Variants in SENP6 observed in about 807,000 individuals in gnomAD.
SENP6 encodes sentrin-specific protease 6.
Under a neutral mutation model 134.5 loss-of-function variants are expected in SENP6, and 41 were observed. The ratio of observed to expected loss-of-function variants is 0.30; its 90% CI spans 0.24 to 0.40. The LOEUF is 0.40. Among genes scored for constraint, SENP6 ranks in the 10% least tolerant of loss-of-function variants. The pLI is 1.00. For synonymous variants in SENP6, 395 were observed against 429.8 expected (o/e 0.92, Z 1.00); for missense variants, 1,248 against 1,312.5 (o/e 0.95, Z 0.76).
At chr6:75,632,550 A>G (rs1435255993) in intron 3 of SENP6, among the ~76,000 whole-genome samples, 1 of 152,194 alleles carries the variant, frequency 6.6e-6, no homozygotes, top group Non-Finnish European at 1.5e-5. Context: ...TTCTTTGCAA[A>G]TAATGTTTAT....
intron 16 of SENP6, among the ~76,000 whole-genome samples, chr6:75,683,365 T>C (rs1773596829): frequency 6.6e-6 from 1 of 151,860 alleles, no homozygotes; most frequent in African/African-American, 2.4e-5. Context: ...CCTGTGATGA[T>C]AGTTTCTTTT....
chr6:75,634,843 T>C, intron 5 of SENP6, 32 bp downstream of exon 5: 1 of 1,376,088 alleles, frequency 7.3e-7, no homozygotes, highest in Non-Finnish European at 1.0e-6. Context: ...GGTTAGTATA[T>C]ACATGGCATC....
At chr6:75,650,088 G>T (rs1236268931) in intron 7 of SENP6, among the ~76,000 whole-genome samples, 10 of 152,112 alleles carry the variant, frequency 6.6e-5, no homozygotes, top group Admixed American at 6.5e-4. Flanking sequence ...TTTCCTTAAC[G>T]ATTTTGAAGA....
intron 7 of SENP6, among the ~76,000 whole-genome samples, chr6:75,657,496 A>G (rs1364281029): frequency 1.3e-5 from 2 of 152,194 alleles, no homozygotes; most frequent in Non-Finnish European, 2.9e-5. Context: ...TCTCTGTGTC[A>G]CAAAGGTAAT....
intron 9 of SENP6, among the ~76,000 whole-genome samples, chr6:75,666,388 A>G (rs1219397875): frequency 1.3e-5 from 2 of 150,346 alleles, no homozygotes; most frequent in East Asian, 3.9e-4. Flanking sequence ...TGGGACTCTG[A>G]AATAGACCTA....
intron 1 of SENP6, among the ~76,000 whole-genome samples, chr6:75,605,521 T>C (rs149774336): frequency 1.4e-3 from 210 of 152,314 alleles, no homozygotes; most frequent in Non-Finnish European, 2.1e-3. Flanking sequence ...CCATTTTACA[T>C]AGCATTGAAG....
At chr6:75,695,968 A>G (rs1208577256) in intron 17 of SENP6, 45 bp downstream of exon 17, 1 of 1,502,458 alleles carries the variant, frequency 6.7e-7, no homozygotes, top group East Asian at 2.4e-5. Context: ...AGTCACTCAC[A>G]TTTAACTAAG....
At chr6:75,627,289 T>C (rs1018964744) in intron 3 of SENP6, among the ~76,000 whole-genome samples, 2 of 152,194 alleles carry the variant, frequency 1.3e-5, no homozygotes, top group African/African-American at 4.8e-5. Context: ...TTGATGTTTT[T>C]CTCTTAATAC....
chr6:75,673,096 G>A (rs1367235732), intron 11 of SENP6, among the ~76,000 whole-genome samples: 7 of 152,058 alleles, frequency 4.6e-5, no homozygotes, highest in Non-Finnish European at 1.0e-4. Flanking sequence ...CAAAGTGCTG[G>A]GATTATAAGT....
At chr6:75,638,620 ATATTTTTTTT>A (rs1439380981) in intron 5 of SENP6, among the ~76,000 whole-genome samples, 1 of 33,182 alleles carries the variant, frequency 3.0e-5, no homozygotes, top group African/African-American at 1.4e-4. Flanking sequence ...ATATATATAT[ATATTTTTTTT>A]TTTTTTTTTT....
chr6:75,690,690 T>C (rs1010036075), intron 16 of SENP6, among the ~76,000 whole-genome samples: 1 of 134,504 alleles, frequency 7.4e-6, no homozygotes, highest in African/African-American at 2.7e-5. Flanking sequence ...TTTGGTTTTT[T>C]TGTTTTTTGT....
At chr6:75,697,115 A>G (rs1396150734) in intron 17 of SENP6, among the ~76,000 whole-genome samples, 2 of 152,112 alleles carry the variant, frequency 1.3e-5, no homozygotes, top group Non-Finnish European at 2.9e-5. Flanking sequence ...ACCTCTCAAT[A>G]TAGTTGCCAG....
chr6:75,638,618 ATATATTTTTTTTTTT>A (rs1489331127), intron 5 of SENP6, among the ~76,000 whole-genome samples: 23 of 34,502 alleles, frequency 6.7e-4, no homozygotes, highest in African/African-American at 2.2e-3. Context: ...ATATATATAT[ATATATTTTTTTTTTT>A]TTTTTTTTTT....
chr6:75,700,083 A>T (rs1774928317), intron 18 of SENP6, among the ~76,000 whole-genome samples: 1 of 151,894 alleles, frequency 6.6e-6, no homozygotes, highest in South Asian at 2.1e-4. Flanking sequence ...CTAATTTTTT[A>T]AAATTTTTTT....
chr6:75,609,206 C>G (rs72884998), intron 1 of SENP6, among the ~76,000 whole-genome samples: 8,524 of 152,276 alleles, frequency 0.056, 319 homozygotes, highest in Middle Eastern at 0.085. Flanking sequence ...CCTTTCTCCC[C>G]GCTTCCTCAT....
chr6:75,700,478 T>C (rs1172693750), intron 18 of SENP6, among the ~76,000 whole-genome samples: 1 of 152,136 alleles, frequency 6.6e-6, no homozygotes, highest in Admixed American at 6.6e-5. Flanking sequence ...TTATACTATA[T>C]TTCATCAATT....
At chr6:75,673,845 AC>A (rs1772874652) in intron 11 of SENP6, among the ~76,000 whole-genome samples, 1 of 151,536 alleles carries the variant, frequency 6.6e-6, no homozygotes, top group Non-Finnish European at 1.5e-5. Context: ...ACATGGTAAA[AC>A]CCCATCTCTA....
At chr6:75,699,354 C>CTT (rs71544060) in intron 18 of SENP6, among the ~76,000 whole-genome samples, 28,752 of 114,480 alleles carry the variant, frequency 0.25, 4,168 homozygotes, top group Middle Eastern at 0.31. Flanking sequence ...TTTGTTTTTG[C>CTT]TTTTTTTTTT....
chr6:75,622,918 T>G, intron 2 of SENP6: 1 of 725,644 alleles, frequency 1.4e-6, no homozygotes, highest in Admixed American at 3.5e-5. Context: ...TCTTTTATAC[T>G]TTTTCTGATT....
Sources: gnomAD v4.1 joint callset for allele counts (sites outside exome capture counted in the v4.1 genomes callset) on GRCh38, gnomAD v4.1.1 for gene constraint, MANE v1.5 for transcripts, NCBI Gene and HGNC (gene_info 2026-07-23, HGNC 2026-07-21) for gene names.